OR10D3: variants seen among roughly 807,000 people sequenced by gnomAD.
OR10D3 encodes olfactory receptor 10D3.
For missense variants in OR10D3, 286 were observed against 153.7 expected (o/e 1.86, Z -4.55); for synonymous variants, 100 against 57.6 (o/e 1.74, Z -3.33).
At chr11:124,185,681 C>T in exon 2 of OR10D3, 3 of 703,678 alleles carry the variant, frequency 4.3e-6, no homozygotes, top group South Asian at 1.5e-5. Context: ...CATCATGAAC[C>T]CAAGGATCTG....
intron 1 of OR10D3, among the ~76,000 whole-genome samples, chr11:124,184,528 A>G (rs1263693688): frequency 6.6e-6 from 1 of 152,140 alleles, no homozygotes; most frequent in Non-Finnish European, 1.5e-5. Flanking sequence ...GTAAGATTTG[A>G]CAAGGCCAGT....
At chr11:124,183,538 GCCTCCTTC>G (rs1239265590) in intron 1 of OR10D3, among the ~76,000 whole-genome samples, 155 bp downstream of exon 1, 1,406 of 63,110 alleles carry the variant, frequency 0.022, 52 homozygotes, top group African/African-American at 0.08. Flanking sequence ...CTCCCTCCCT[GCCTCCTTC>G]CCTCCTTCCC....
exon 2 of OR10D3, chr11:124,185,595 G>C (rs1381424500): frequency 2.8e-6 from 2 of 703,542 alleles, no homozygotes; most frequent in Non-Finnish European, 5.2e-6. Context: ...TTCCTCGGGA[G>C]CATTGAGTGC....
intron 1 of OR10D3, among the ~76,000 whole-genome samples, chr11:124,184,732 A>G (rs1299080736): frequency 1.3e-5 from 2 of 152,270 alleles, no homozygotes. Context: ...TGCCAGGATT[A>G]GATGAACGGA....
intron 1 of OR10D3, chr11:124,184,199 T>C (rs1360527026): frequency 6.6e-6 from 1 of 152,198 alleles, no homozygotes; most frequent in Non-Finnish European, 1.5e-5. Flanking sequence ...CAAGTTGCTT[T>C]AGAAGACTGT....
exon 2 of OR10D3, chr11:124,185,813 C>T: frequency 1.4e-6 from 1 of 703,718 alleles, no homozygotes. Flanking sequence ...CTGTGACATT[C>T]CAGCACTGTT....
At chr11:124,183,678 C>T (rs950468137) in intron 1 of OR10D3, among the ~76,000 whole-genome samples, 3 of 151,520 alleles carry the variant, frequency 2.0e-5, no homozygotes, top group Non-Finnish European at 4.4e-5. Context: ...CTGCCTTAGT[C>T]TCCAGAGTAG....
exon 2 of OR10D3, chr11:124,188,746 A>G (rs2137701835): frequency 6.6e-6 from 1 of 152,358 alleles, no homozygotes; most frequent in Non-Finnish European, 1.5e-5. Flanking sequence ...AGGAATGGTA[A>G]TAATGGGACT....
chr11:124,187,389 G>T (rs1023493873), exon 2 of OR10D3: 8 of 152,056 alleles, frequency 5.3e-5, no homozygotes, highest in African/African-American at 1.9e-4. Context: ...ATCTACTTTG[G>T]CTCAAAAACA....
chr11:124,185,197 C>T, intron 1 of OR10D3, 62 bp from the exon 2 acceptor site: 1 of 626,932 alleles, frequency 1.6e-6, no homozygotes, highest in South Asian at 1.9e-5. Flanking sequence ...CCAGTATGTT[C>T]ACTTGATTGA....
At chr11:124,188,297 A>G (rs1861247351) in exon 2 of OR10D3, 1 of 152,276 alleles carries the variant, frequency 6.6e-6, no homozygotes, top group Non-Finnish European at 1.5e-5. Flanking sequence ...TCCAGTAAAA[A>G]ACAGACAAGA....
chr11:124,185,182 T>G (rs1358782643), intron 1 of OR10D3, 77 bp from the exon 2 acceptor site: 10 of 607,618 alleles, frequency 1.6e-5, no homozygotes, highest in Non-Finnish European at 2.9e-5. Flanking sequence ...ACAAGTTTTA[T>G]TTCTCCAGTA....
chr11:124,186,212 G>A (rs1200976250), exon 2 of OR10D3: 1 of 690,446 alleles, frequency 1.4e-6, no homozygotes, highest in Admixed American at 2.0e-5. Context: ...GAGTTAGTAA[G>A]AGCAGATAAA....
exon 2 of OR10D3, chr11:124,188,008 G>A (rs1285766601): frequency 6.6e-6 from 1 of 152,148 alleles, no homozygotes; most frequent in Non-Finnish European, 1.5e-5. Context: ...AAGAAACCAA[G>A]AGGGAGCAGT....
At chr11:124,183,478 T>C (rs1456533797) in intron 1 of OR10D3, 95 bp downstream of exon 1, 19 of 151,772 alleles carry the variant, frequency 1.3e-4, no homozygotes, top group Non-Finnish European at 4.4e-5. Context: ...TTCTTTCTCT[T>C]TTTTTCTCTT....
Position 124,185,951 on chromosome 11 carries a change from A to AT in OR10D3, c.684dup (p.Arg229SerfsTer4), listed in dbSNP as rs1351327572. The stretch of plus-strand genomic sequence containing the variant: ...TAGAATCACAATATCTATCTTAAGC[A>AT]TTCGTACAACTGAGGGCCGTCGCCG... On this transcript the variant is annotated frameshift_variant, in exon 2 of 2. Coordinates refer to ENST00000641351, the Ensembl canonical transcript of OR10D3. LOFTEE classifies it low-confidence loss of function (END_TRUNC). The AT allele has an allele frequency of 1.4e-6, 1 of 703,296 alleles. No homozygotes were observed. Among genetic ancestry groups the AT allele is most frequent in the Non-Finnish European group, 2.6e-6 (1 of 385,042 alleles). 43.6% of individuals were successfully genotyped at this position (703,296 alleles called of 1,614,324 possible).
chr11:124,188,327 G>A (rs1328633602), exon 2 of OR10D3: 1 of 152,232 alleles, frequency 6.6e-6, no homozygotes, highest in Non-Finnish European at 1.5e-5. Flanking sequence ...GAAGGCACTG[G>A]AATCTTTGTA....
exon 2 of OR10D3, chr11:124,185,320 C>T (rs765542693): frequency 5.7e-6 from 4 of 703,398 alleles, no homozygotes; most frequent in Non-Finnish European, 1.0e-5. Context: ...TTTTGGGAAT[C>T]CCACACACAG....
intron 1 of OR10D3, 109 bp from the exon 2 acceptor site, chr11:124,185,150 G>C (rs555131535): frequency 1.7e-6 from 1 of 599,548 alleles, no homozygotes; most frequent in Non-Finnish European, 3.0e-6. Flanking sequence ...TAACTTAGAT[G>C]CAAATCACAG....
Sources: allele counts gnomAD v4.1 joint callset (sites outside exome capture counted in the v4.1 genomes callset), GRCh38; gene constraint gnomAD v4.1.1; transcripts MANE v1.5; gene names NCBI Gene and HGNC (gene_info 2026-07-23, HGNC 2026-07-21).